Variants in RBM44 observed in about 807,000 individuals in gnomAD.
RBM44 encodes RNA binding motif protein 44, also known as RNA-binding protein 44.
RBM44 carries 66 observed loss-of-function variants against 105.1 expected under a neutral mutation model. The observed-to-expected ratio is 0.63, with a 90% CI of 0.52 to 0.77. The LOEUF (loss-of-function observed/expected upper bound fraction) is 0.77. RBM44 is among the 30% of genes least tolerant of loss of function. RBM44 has a pLI of 0.00. For synonymous variants in RBM44, 365 were observed against 417.6 expected (o/e 0.87, Z 1.54); for missense variants, 1,122 against 1,207.8 (o/e 0.93, Z 1.05).
At chr2:237,800,129 A>T (rs1402568490) in intron 1 of RBM44, among the ~76,000 whole-genome samples, 1 of 152,056 alleles carries the variant, frequency 6.6e-6, no homozygotes. Flanking sequence ...TTTCTCCATG[A>T]CCTGCTCAAC....
intron 15 of RBM44, among the ~76,000 whole-genome samples, chr2:237,836,076 G>A (rs1473402203): frequency 6.6e-6 from 1 of 152,152 alleles, no homozygotes; most frequent in Non-Finnish European, 1.5e-5. Context: ...GATGCCATCT[G>A]GGACTTTCAC....
chr2:237,836,094 G>A (rs1431739054), intron 15 of RBM44, among the ~76,000 whole-genome samples: 1 of 152,206 alleles, frequency 6.6e-6, no homozygotes, highest in East Asian at 1.9e-4. Flanking sequence ...CACAGCTTGA[G>A]AGGAAAAGTC....
chr2:237,820,534 G>T, intron 5 of RBM44, 183 bp downstream of exon 5: 1 of 437,748 alleles, frequency 2.3e-6, no homozygotes, highest in East Asian at 3.6e-5. Flanking sequence ...ACAGTGCGTG[G>T]TTGGCATGAT....
At position 237,840,187 on chromosome 2, in the gene RBM44, C is replaced by CAAAA. The variant is rs34666443; in HGVS notation, c.*23-1632_*23-1629dup. On this transcript the variant is annotated intron_variant, in intron 15 of 15. Transcript: ENST00000316997. The stretch of plus-strand genomic sequence containing the variant: ...TGGGTGATAGAGCAAGACTCTATCT[C>CAAAA]AAAAAAAAAAAAAAAAAAAAAAAGG... 1.6e-3 allele frequency among the ~76,000 whole-genome samples: 103 copies of CAAAA among 64,888 alleles called. 2 individuals carry two copies. The highest frequency in any genetic ancestry group is 4.6e-3 in the African/African-American group (73 of 16,000). 42.6% of individuals were successfully genotyped at this position (64,888 alleles called of 152,430 possible).
chr2:237,833,884 G>T (rs924382144), intron 13 of RBM44, 113 bp from the exon 14 acceptor site: 6 of 567,880 alleles, frequency 1.1e-5, no homozygotes, highest in Non-Finnish European at 1.6e-5. Flanking sequence ...AATTTTTAAG[G>T]AATTTTTATT....
intron 13 of RBM44, among the ~76,000 whole-genome samples, chr2:237,831,906 G>T (rs952381949): frequency 6.6e-6 from 1 of 152,100 alleles, no homozygotes; most frequent in African/African-American, 2.4e-5. Context: ...GTGAAGCTGC[G>T]TGGGGCCCTG....
At chr2:237,806,320 A>G (rs1434824458) in intron 1 of RBM44, among the ~76,000 whole-genome samples, 3 of 152,144 alleles carry the variant, frequency 2.0e-5, no homozygotes, top group Non-Finnish European at 2.9e-5. Flanking sequence ...TAAAGAAACA[A>G]TTTCTGGTTC....
At chr2:237,839,761 T>C (rs74272440) in intron 15 of RBM44, among the ~76,000 whole-genome samples, 4,220 of 152,162 alleles carry the variant, frequency 0.028, 83 homozygotes, top group Middle Eastern at 0.085. Context: ...AACAAAAGCA[T>C]GGACAACAAA....
rs145239394 is a variant in RBM44 at position 237,839,296 on chromosome 2, G to C, written c.*23-2543G>C. Reference sequence around the variant, plus strand: ...GGTTTGTTTTTGTTTTTTGTTTTGAGACGGAGTCACTCAGTCGCCCAGGCT... The same window carrying C: ...GGTTTGTTTTTGTTTTTTGTTTTGACACGGAGTCACTCAGTCGCCCAGGCT... On this transcript the variant is annotated intron_variant, in intron 15 of 15. Transcript: ENST00000316997. Among the ~76,000 whole-genome samples the C allele has an allele frequency of 1.2e-3, 189 of 152,196 alleles. 1 individual carries two copies. Among genetic ancestry groups the C allele is most frequent in the African/African-American group, 4.3e-3 (178 of 41,518 alleles).
chr2:237,806,264 C>T (rs148651878), intron 1 of RBM44, among the ~76,000 whole-genome samples: 7 of 152,054 alleles, frequency 4.6e-5, no homozygotes, highest in Admixed American at 3.3e-4. Context: ...TTCTTAGATA[C>T]GTCTAAGAAA....
chr2:237,799,745 C>T (rs1051822889), intron 1 of RBM44, among the ~76,000 whole-genome samples: 8 of 152,118 alleles, frequency 5.3e-5, no homozygotes, highest in Non-Finnish European at 8.8e-5. Context: ...AGTGACAGTC[C>T]GTTGCTGAGT....
chr2:237,827,085 G>T (rs2061854528), intron 10 of RBM44, among the ~76,000 whole-genome samples, 165 bp from the exon 11 acceptor site: 1 of 152,132 alleles, frequency 6.6e-6, no homozygotes, highest in African/African-American at 2.4e-5. Context: ...AAACTATATT[G>T]CAGGCTCTTA....
At position 237,834,435 on chromosome 2, in the gene RBM44, A is replaced by G; in HGVS notation, c.*22+12A>G. 2 of 1,362,216 alleles carry G rather than the reference A, an allele frequency of 1.5e-6. No individual in the cohort carries two copies. Among genetic ancestry groups the G allele is most frequent in the Middle Eastern group, 2.1e-4 (1 of 4,660 alleles). 84.4% of individuals were successfully genotyped at this position (1,362,216 alleles called of 1,614,324 possible). The stretch of plus-strand genomic sequence containing the variant: ...AAAACAATAAAGAGGTAAAGTAATC[A>G]TATTCTTTTGTATTTGAATATTACT... On this transcript the variant is annotated intron_variant, in intron 15 of 15. Transcript: ENST00000316997.
At chr2:237,833,669 C>T (rs1441165114) in intron 13 of RBM44, among the ~76,000 whole-genome samples, 2 of 152,190 alleles carry the variant, frequency 1.3e-5, no homozygotes, top group East Asian at 3.9e-4. Flanking sequence ...TAGTTATGTC[C>T]TATCTTTGAG....
At chr2:237,822,426 A>G (rs1213224972) in intron 8 of RBM44, among the ~76,000 whole-genome samples, 3 of 152,080 alleles carry the variant, frequency 2.0e-5, no homozygotes, top group Non-Finnish European at 4.4e-5. Flanking sequence ...GTTATATTCT[A>G]TTATTGAGCA....
At position 237,837,778 on chromosome 2, in the gene RBM44, G is replaced by A. The variant is rs375031586; in HGVS notation, c.*22+3355G>A. 1.7e-4 allele frequency among the ~76,000 whole-genome samples: 26 copies of A among 151,126 alleles called. No individual in the cohort carries two copies. In the South Asian group the frequency reaches 5.4e-3, roughly 32 times the overall value. On this transcript the variant is annotated intron_variant, in intron 15 of 15. Coordinates refer to ENST00000316997, the MANE Select transcript of RBM44 (RefSeq NM_001080504.3). ...TCCCACTCAGCCTCCCAAAGTGCTG[G>A]AATTACAGGTGTGAGCCACTGTGCC...
chr2:237,799,932 T>C (rs2061528707), intron 1 of RBM44, among the ~76,000 whole-genome samples: 1 of 152,134 alleles, frequency 6.6e-6, no homozygotes, highest in Admixed American at 6.5e-5. Flanking sequence ...CCCTGGAGTT[T>C]CGTGCACTGG....
At chr2:237,823,336 A>G (rs2061813908) in intron 8 of RBM44, 104 bp from the exon 9 acceptor site, 4 of 582,202 alleles carry the variant, frequency 6.9e-6, no homozygotes, top group Non-Finnish European at 1.2e-5. Context: ...CAGAGCCCTC[A>G]TTACTGTAAA....
At chr2:237,802,890 T>G (rs1251326701) in intron 1 of RBM44, among the ~76,000 whole-genome samples, 2 of 152,242 alleles carry the variant, frequency 1.3e-5, no homozygotes, top group Non-Finnish European at 2.9e-5. Context: ...CAAATGGTTT[T>G]AACAATTTGT....
Sources: gnomAD v4.1 joint callset for allele counts (sites outside exome capture counted in the v4.1 genomes callset) on GRCh38, gnomAD v4.1.1 for gene constraint, MANE v1.5 for transcripts, NCBI Gene and HGNC (gene_info 2026-07-23, HGNC 2026-07-21) for gene names.